Variants in PRIM2 observed in about 807,000 individuals in gnomAD.
PRIM2 encodes the protein DNA primase large subunit.
PRIM2 carries 39 observed loss-of-function variants against 67.3 expected under a neutral mutation model. The ratio of observed to expected loss-of-function variants is 0.58; its 90% CI spans 0.45 to 0.76. The LOEUF is 0.76. Among genes scored for constraint, PRIM2 ranks in the 30% least tolerant of loss-of-function variants. The probability of loss-of-function intolerance (pLI) is 0.00; values close to 1 mark genes in which losing one functional copy is unlikely to be tolerated. For missense variants in PRIM2, 398 were observed against 598.7 expected (o/e 0.66, Z 3.50); for synonymous variants, 143 against 198.7 (o/e 0.72, Z 2.36).
At chr6:57,273,981 T>C in the PRIM2 span, among the ~76,000 whole-genome samples, 1 of 152,186 alleles carries the variant, frequency 6.6e-6, no homozygotes, top group Non-Finnish European at 1.5e-5. Flanking sequence ...TGATCATTCC[T>C]TTGGAAATTT....
chr6:57,298,204 A>G, the PRIM2 span, among the ~76,000 whole-genome samples: 1 of 152,034 alleles, frequency 6.6e-6, no homozygotes, highest in African/African-American at 2.4e-5. Context: ...TACTAAAGAT[A>G]CAAAAAATTA....
the PRIM2 span, among the ~76,000 whole-genome samples, chr6:57,265,698 T>A: frequency 2.0e-4 from 30 of 152,346 alleles, no homozygotes; most frequent in African/African-American, 6.5e-4. Context: ...AGAATTTTTT[T>A]ATAAAGAATT....
chr6:57,452,405 G>A (rs1389663383), intron 7 of PRIM2, among the ~76,000 whole-genome samples: 3 of 152,298 alleles, frequency 2.0e-5, no homozygotes, highest in Admixed American at 2.0e-4. Context: ...CACCAACAGT[G>A]TAAAAGTGTT....
At chr6:57,518,717 TAAAGA>T (rs1201627047) in intron 8 of PRIM2, among the ~76,000 whole-genome samples, 1 of 152,346 alleles carries the variant, frequency 6.6e-6, no homozygotes, top group Admixed American at 6.5e-5. Flanking sequence ...ATAACTATGA[TAAAGA>T]AATGCTTTTT....
intron 7 of PRIM2, among the ~76,000 whole-genome samples, chr6:57,489,384 G>A (rs1277798979): frequency 7.4e-4 from 113 of 152,340 alleles, no homozygotes; most frequent in African/African-American, 2.5e-3. Flanking sequence ...GTGAAACCCC[G>A]TCTTTACTAA....
At position 57,536,664 on chromosome 6, in the gene PRIM2, A is replaced by G. The variant is rs1277177157; in HGVS notation, c.835-776A>G. ...ATGGAAAACTATTAGTAATAAAGAA[A>G]TGAGCTTATATACAACTTAGATGAA... On this transcript the variant is annotated intron_variant, in intron 9 of 13. Coordinates refer to ENST00000615550, the MANE Select transcript of PRIM2 (RefSeq NM_000947.5). Among the ~76,000 whole-genome samples the G allele has an allele frequency of 5.3e-3, 813 of 152,374 alleles. 6 individuals are homozygous for G. The highest frequency in any genetic ancestry group is 0.019 in the African/African-American group (782 of 41,590).
At chr6:57,527,166 T>C (rs1182463963) in intron 8 of PRIM2, among the ~76,000 whole-genome samples, 1 of 152,202 alleles carries the variant, frequency 6.6e-6, no homozygotes, top group Non-Finnish European at 1.5e-5. Context: ...CTTCTGTCAA[T>C]GTTTCATTAT....
intron 13 of PRIM2, among the ~76,000 whole-genome samples, chr6:57,638,474 A>G (rs1777162065): frequency 6.6e-6 from 1 of 151,704 alleles, no homozygotes; most frequent in Non-Finnish European, 1.5e-5. Flanking sequence ...TGAAGAGTCA[A>G]GACCCATCGG....
chr6:57,385,364 A>G lies in PRIM2; in HGVS notation c.693+3196A>G, dbSNP rs186106363. Among the ~76,000 whole-genome samples, 23 of 152,332 alleles carry G rather than the reference A, an allele frequency of 1.5e-4. No homozygotes were observed. The East Asian group carries it at 3.5e-3, about 23-fold the overall frequency. On this transcript the variant is annotated intron_variant, in intron 7 of 13. Coordinates refer to ENST00000615550, the MANE Select transcript of PRIM2 (RefSeq NM_000947.5). Reference sequence around the variant, plus strand: ...TTAATACTTTAAAAAAATTTGAAATATCACAGACTTACAGAAAATTAAGTA... The same window carrying G: ...TTAATACTTTAAAAAAATTTGAAATGTCACAGACTTACAGAAAATTAAGTA...
the PRIM2 span, among the ~76,000 whole-genome samples, chr6:57,290,460 A>G: frequency 6.6e-6 from 1 of 152,220 alleles, no homozygotes; most frequent in East Asian, 1.9e-4. Context: ...ACAGAAGGTT[A>G]GCAAGGATAT....
upstream of PRIM2, among the ~76,000 whole-genome samples, chr6:57,316,203 G>A (rs1004113729): frequency 1.3e-5 from 2 of 152,178 alleles, no homozygotes; most frequent in African/African-American, 4.8e-5. Context: ...GAGGTGGGCG[G>A]ATCACGAGGT....
intron 7 of PRIM2, among the ~76,000 whole-genome samples, chr6:57,474,205 A>C (rs1271285942): frequency 3.3e-5 from 1 of 29,948 alleles, no homozygotes; most frequent in Non-Finnish European, 5.3e-5. Flanking sequence ...TTTTTTTTTG[A>C]GCTCTGTCAC....
chr6:57,484,811 T>G (rs1285170154), intron 7 of PRIM2, among the ~76,000 whole-genome samples: 1 of 152,194 alleles, frequency 6.6e-6, no homozygotes, highest in Non-Finnish European at 1.5e-5. Context: ...CTGTCTAAAA[T>G]AGCCTTTTGG....
chr6:57,453,010 C>T (rs1419892488), intron 7 of PRIM2, among the ~76,000 whole-genome samples: 4 of 152,120 alleles, frequency 2.6e-5, no homozygotes, highest in African/African-American at 4.8e-5. Context: ...ATATGGCTAG[C>T]CAGTTTTCCC....
intron 7 of PRIM2, among the ~76,000 whole-genome samples, chr6:57,438,368 G>A (rs1772084111): frequency 6.6e-6 from 1 of 152,146 alleles, no homozygotes; most frequent in East Asian, 1.9e-4. Flanking sequence ...GAAAGGAAAT[G>A]AAAAGATGGA....
At chr6:57,280,731 A>T in the PRIM2 span, among the ~76,000 whole-genome samples, 4 of 151,796 alleles carry the variant, frequency 2.6e-5, no homozygotes, top group Non-Finnish European at 4.4e-5. Flanking sequence ...CTGGTCTCGA[A>T]CTCCTGACCT....
rs554627002 is a variant in PRIM2 at position 57,409,477 on chromosome 6, A to G, written c.693+27309A>G. Among the ~76,000 whole-genome samples, 208 of 152,146 alleles carry G rather than the reference A, an allele frequency of 1.4e-3. 1 individual carries two copies. Among genetic ancestry groups the G allele is most frequent in the African/African-American group, 4.7e-3 (195 of 41,528 alleles). Reference sequence around the variant, plus strand: ...GTGTGAGCCACTGCTCCTGGCCTGGATAAATACTTTTAAGGAGGATTGCTG... The same window carrying G: ...GTGTGAGCCACTGCTCCTGGCCTGGGTAAATACTTTTAAGGAGGATTGCTG... On this transcript the variant is annotated intron_variant, in intron 7 of 13. Coordinates refer to ENST00000615550, the MANE Select transcript of PRIM2 (RefSeq NM_000947.5).
At chr6:57,320,706 G>A (rs1767625978) in intron 3 of PRIM2, 146 bp downstream of exon 3, 2 of 552,526 alleles carry the variant, frequency 3.6e-6, no homozygotes, top group African/African-American at 1.9e-5. Context: ...TGTATTAGGG[G>A]TGATTGACAT....
At chr6:57,330,383 G>T (rs142674082) in intron 5 of PRIM2, among the ~76,000 whole-genome samples, 5,139 of 97,416 alleles carry the variant, frequency 0.053, 19 homozygotes, top group African/African-American at 0.076. Flanking sequence ...TTGTTTTTTT[G>T]TTTTTTTTTT....
Sources: allele counts gnomAD v4.1 joint callset (sites outside exome capture counted in the v4.1 genomes callset), GRCh38; gene constraint gnomAD v4.1.1; transcripts MANE v1.5; gene names NCBI Gene and HGNC (gene_info 2026-07-23, HGNC 2026-07-21).